Variants in RADIL observed in about 807,000 individuals in gnomAD.
RADIL encodes Rap associating with DIL domain, also known as ras-associating and dilute domain-containing protein.
A neutral mutation model predicts 97.6 loss-of-function variants in RADIL; 99 were observed. The ratio of observed to expected loss-of-function variants is 1.01; its 90% CI spans 0.86 to 1.20. The LOEUF (loss-of-function observed/expected upper bound fraction) is 1.20. Among genes scored for constraint, RADIL ranks in the 50% most tolerant of loss-of-function variants. The pLI, the probability that RADIL is intolerant of heterozygous loss-of-function variation, is 0.00. For synonymous variants in RADIL, 803 were observed against 691.8 expected (o/e 1.16, Z -2.52); for missense variants, 1,765 against 1,498.9 (o/e 1.18, Z -2.93).
chr7:4,873,782 G>A lies in RADIL; in HGVS notation c.535+3823C>T, dbSNP rs1038108904. Among the ~76,000 whole-genome samples, 9 of 152,358 alleles carry A rather than the reference G, an allele frequency of 5.9e-5. No individual in the cohort carries two copies. Among genetic ancestry groups the A allele is most frequent in the Admixed American group, 2.0e-4 (3 of 15,310 alleles). On this transcript the variant is annotated intron_variant, in intron 2 of 14. Coordinates refer to ENST00000399583, the MANE Select transcript of RADIL (RefSeq NM_018059.5). The surrounding 1 kb of genome is among the most constrained non-coding windows in gnomAD (Gnocchi z 4.3). ...CAGGACAGGCGGGCTGCTGGAAGGC[G>A]CAGAGCTCACCATCACCGGAGGTAT...
rs1274677156 is a variant in RADIL, at chr7:4,879,878, T to C, written c.-64-1675A>G. 1.3e-5 allele frequency among the ~76,000 whole-genome samples: 2 copies of C among 152,112 alleles called. No homozygotes were observed. Among genetic ancestry groups the C allele is most frequent in the African/African-American group, 4.8e-5 (2 of 41,414 alleles). On this transcript the variant is annotated intron_variant, in intron 1 of 14. Coordinates refer to ENST00000399583, the MANE Select transcript of RADIL (RefSeq NM_018059.5). The surrounding 1 kb of genome is among the most constrained non-coding windows in gnomAD (Gnocchi z 4.1). ...CACTGCCCGCCAGAGCTGTCATGGG[T>C]GAGTCCTGAAATCAGACCACCACTC... is the stretch of plus-strand genomic sequence containing the variant.
chr7:4,860,857 T>G lies in RADIL; in HGVS notation c.535+16748A>C, dbSNP rs767299715. The G allele has an allele frequency of 4.3e-6, 7 of 1,614,136 alleles. No homozygotes were observed. The South Asian group carries it at 7.7e-5, about 18-fold the overall frequency. On this transcript the variant is annotated intron_variant, in intron 2 of 14. Transcript: ENST00000399583. Reference sequence around the variant, plus strand: ...TGGAGTTCTGCTGTGGGTATGCTGGTGTGATGATAGGCATAAGATGGTACC... The same window carrying G: ...TGGAGTTCTGCTGTGGGTATGCTGGGGTGATGATAGGCATAAGATGGTACC...
chr7:4,839,857 C>G (rs1235454287), intron 2 of RADIL, among the ~76,000 whole-genome samples: 1 of 152,122 alleles, frequency 6.6e-6, no homozygotes, highest in Non-Finnish European at 1.5e-5. Context: ...AGTGATTTTC[C>G]TGCCTCAGCC....
At chr7:4,875,568 T>C (rs1249339900) in intron 2 of RADIL, among the ~76,000 whole-genome samples, 2 of 152,190 alleles carry the variant, frequency 1.3e-5, no homozygotes, top group Non-Finnish European at 2.9e-5. Context: ...CAGGCCAGGC[T>C]GATCCCCAGC....
chr7:4,827,530 AGGCG>A (rs1783026392), intron 5 of RADIL, among the ~76,000 whole-genome samples: 1 of 151,924 alleles, frequency 6.6e-6, no homozygotes, highest in Non-Finnish European at 1.5e-5. Flanking sequence ...GCGTGGTTGC[AGGCG>A]CCTGTAGTCC....
chr7:4,855,935 A>G (rs1783817807), intron 2 of RADIL, among the ~76,000 whole-genome samples: 3 of 151,728 alleles, frequency 2.0e-5, no homozygotes, highest in African/African-American at 7.3e-5. Context: ...AGCTAGGATT[A>G]CAGGTGCGCA....
At position 4,805,658 on chromosome 7, in the gene RADIL, C is replaced by T. The variant is rs75406881; in HGVS notation, c.2198G>A (p.Arg733Gln). The T allele has an allele frequency of 1.0e-3, 1,652 of 1,611,852 alleles. 23 individuals carry two copies. In the East Asian group the frequency reaches 0.032, roughly 31 times the overall value. Reference protein sequence around the residue: ...FPALSPAQLHRLLTHYQLASA... With the variant: ...FPALSPAQLHQLLTHYQLASA... Reference sequence around the variant, plus strand: ...GGCCAGCTGGTAGTGAGTCAGCAGCCGGTGCAGCTGTGCTGGGCTCAGTGC... The same window carrying T: ...GGCCAGCTGGTAGTGAGTCAGCAGCTGGTGCAGCTGTGCTGGGCTCAGTGC... The change falls in exon 10 of 15, where the codon CGG becomes CAG. Residue 733 changes from arginine (R) to glutamine (Q), a missense_variant. Transcript: ENST00000399583.
At chr7:4,859,745 A>G in intron 2 of RADIL, 1 of 617,426 alleles carries the variant, frequency 1.6e-6, no homozygotes, top group South Asian at 2.0e-5. Context: ...GGAAAGATCT[A>G]TACTGATGTT....
intron 13 of RADIL, 45 bp downstream of exon 13, chr7:4,800,126 C>T: frequency 6.3e-7 from 1 of 1,574,854 alleles, no homozygotes; most frequent in Non-Finnish European, 8.6e-7. Context: ...CAGGCGGGGC[C>T]AGGCAGCCAG....
At position 4,827,906 on chromosome 7, in the gene RADIL, ACAAACAAAC is replaced by A. The variant is rs1783042314; in HGVS notation, c.1454+4226_1454+4234del. ...GACAAGGACAGTGCAAAACAAACAA[ACAAACAAAC>A]AAAAAAAAACGTAGACCAGTTTTAC... On this transcript the variant is annotated intron_variant, in intron 5 of 14. Transcript: ENST00000399583. 3.3e-5 allele frequency among the ~76,000 whole-genome samples: 5 copies of A among 150,556 alleles called. No individual in the cohort carries two copies. In the South Asian group the frequency reaches 8.4e-4, roughly 25 times the overall value.
chr7:4,858,391 T>C (rs958310996), intron 2 of RADIL: 3 of 152,294 alleles, frequency 2.0e-5, no homozygotes, highest in African/African-American at 7.2e-5. Context: ...TTCCTAATCA[T>C]AGATGCTCTA....
At position 4,821,716 on chromosome 7, in the gene RADIL, C is replaced by T. The variant is rs547391098; in HGVS notation, c.1615+678G>A. Reference sequence around the variant, plus strand: ...ACCAAAAATACAAAAACTAGCCGGGCGAGGTGGCATGCTCCTGTAATCCCA... The same window carrying T: ...ACCAAAAATACAAAAACTAGCCGGGTGAGGTGGCATGCTCCTGTAATCCCA... On this transcript the variant is annotated intron_variant, in intron 6 of 14. Transcript: ENST00000399583. The surrounding 1 kb of genome is among the most constrained non-coding windows in gnomAD (Gnocchi z 5.2). 2.6e-5 allele frequency among the ~76,000 whole-genome samples: 4 copies of T among 152,004 alleles called. No individual in the cohort carries two copies. Among genetic ancestry groups the T allele is most frequent in the East Asian group, 1.9e-4 (1 of 5,154 alleles).
In RADIL at chr7:4,836,403, G is replaced by A. The variant is rs1205967633; in HGVS notation, c.738C>T (p.Tyr246=). The A allele has an allele frequency of 6.3e-7, 1 of 1,578,772 alleles. No homozygotes were observed. Among genetic ancestry groups the A allele is most frequent in the Non-Finnish European group, 8.6e-7 (1 of 1,162,418 alleles). The change falls in exon 3 of 15, where the codon TAC becomes TAT. Residue 246 remains tyrosine, a synonymous_variant. Coordinates refer to ENST00000399583, the MANE Select transcript of RADIL (RefSeq NM_018059.5). ...GCAGAAGGAGCAGATGCGGGGACTG[G>A]TACAGCGAGTACCGCATGGCGTCGG... ...PGPDAMRYSL[Y]QSPHLLLLQG...
chr7:4,858,577 T>C (rs933741272), intron 2 of RADIL: 1 of 152,644 alleles, frequency 6.6e-6, no homozygotes, highest in Non-Finnish European at 1.5e-5. Context: ...TGTTTAAAAT[T>C]CTTGAAGAAA....
intron 2 of RADIL, among the ~76,000 whole-genome samples, chr7:4,863,900 T>C (rs1016893157): frequency 5.9e-5 from 9 of 152,228 alleles, no homozygotes; most frequent in Admixed American, 3.9e-4. Flanking sequence ...CTAGGGCGGT[T>C]CTAGTTTCAG....
At chr7:4,844,604 CTGTTT>C (rs1459528234) in intron 2 of RADIL, among the ~76,000 whole-genome samples, 9 of 151,940 alleles carry the variant, frequency 5.9e-5, no homozygotes, top group Admixed American at 3.3e-4. Context: ...AAAATTCAGG[CTGTTT>C]TGTTTTGTTT....
chr7:4,857,289 C>T (rs1373569346), intron 2 of RADIL, among the ~76,000 whole-genome samples: 1 of 152,130 alleles, frequency 6.6e-6, no homozygotes, highest in Non-Finnish European at 1.5e-5. Context: ...ATCCCAGCTT[C>T]TTTTCATTAG....
chr7:4,866,978 T>G (rs932531528), intron 2 of RADIL, among the ~76,000 whole-genome samples: 1 of 152,124 alleles, frequency 6.6e-6, no homozygotes, highest in Non-Finnish European at 1.5e-5. Flanking sequence ...ACCCCTCAGG[T>G]TTCCCTCTTT....
At chr7:4,812,424 TTTA>T (rs141095802) in intron 9 of RADIL, among the ~76,000 whole-genome samples, 2,397 of 152,050 alleles carry the variant, frequency 0.016, 32 homozygotes, top group Middle Eastern at 0.048. Flanking sequence ...CTATTTTTAT[TTTA>T]TTATTATTAT....
Sources: allele counts gnomAD v4.1 joint callset (sites outside exome capture counted in the v4.1 genomes callset), GRCh38; gene constraint gnomAD v4.1.1; non-coding constraint Gnocchi (gnomAD v3.1); transcripts MANE v1.5; gene names NCBI Gene and HGNC (gene_info 2026-07-23, HGNC 2026-07-21).